Variants in ZNF536 observed in about 807,000 individuals in gnomAD.
ZNF536 encodes the protein zinc finger protein 536.
A neutral mutation model predicts 84.5 loss-of-function variants in ZNF536; 13 were observed. The ratio of observed to expected loss-of-function variants is 0.15; its 90% confidence interval spans 0.10 to 0.24. ZNF536 has a LOEUF of 0.24. Ranked by LOEUF, ZNF536 falls within the 10% of genes least tolerant of loss-of-function variation. The pLI is 1.00. For synonymous variants in ZNF536, 811 were observed against 742.5 expected (o/e 1.09, Z -1.50); for missense variants, 1,536 against 1,747.5 (o/e 0.88, Z 2.16).
upstream of ZNF536, among the ~76,000 whole-genome samples, chr19:30,371,680 T>C (rs1203890909): frequency 6.6e-6 from 1 of 151,056 alleles, no homozygotes; most frequent in Admixed American, 6.6e-5. Context: ...TGGATATCTG[T>C]AGGGGAAAGG....
At chr19:30,450,822 C>G (rs925436316) in intron 2 of ZNF536, among the ~76,000 whole-genome samples, 12 of 152,124 alleles carry the variant, frequency 7.9e-5, no homozygotes, top group Non-Finnish European at 1.6e-4. Context: ...CCCCCTGTCC[C>G]CTGCTTCCTT....
chr19:30,462,873 G>A (rs1005920828), intron 2 of ZNF536, among the ~76,000 whole-genome samples: 14 of 128,590 alleles, frequency 1.1e-4, no homozygotes, highest in African/African-American at 4.3e-4. Context: ...GTTGGGATGG[G>A]TGTATCCATA....
intron 1 of ZNF536, among the ~76,000 whole-genome samples, chr19:30,233,262 A>T (rs1019004948): frequency 6.6e-6 from 1 of 152,018 alleles, no homozygotes; most frequent in African/African-American, 2.4e-5. Context: ...GTGACATGCA[A>T]ACTAAGCAGT....
rs570331482 is a variant in ZNF536 at position 30,257,798 on chromosome 19, A to T, written c.-189-26274A>T. On this transcript the variant is annotated intron_variant, in intron 1 of 5. Transcript: ENST00000585628. ...GCTGATGCTGCTCCTGGGCGGACCC[A>T]TTGCAACTGGAGGAGCTGCTCACTC... 1.1e-4 allele frequency among the ~76,000 whole-genome samples: 17 copies of T among 152,314 alleles called. 1 individual carries two copies. In the South Asian group the frequency reaches 3.5e-3, roughly 32 times the overall value.
intron 2 of ZNF536, among the ~76,000 whole-genome samples, chr19:30,494,298 CA>C (rs1321730913): frequency 6.6e-6 from 1 of 152,172 alleles, no homozygotes; most frequent in Non-Finnish European, 1.5e-5. Flanking sequence ...AGTGTCCCGA[CA>C]AGTGGACACT....
At chr19:30,611,711 G>A (rs1397157674) in intron 1 of ZNF536, among the ~76,000 whole-genome samples, 1 of 152,158 alleles carries the variant, frequency 6.6e-6, no homozygotes, top group Non-Finnish European at 1.5e-5. Context: ...GATCCACTGA[G>A]TGTCAAACAA....
At chr19:30,327,375 T>C (rs1281467065) in intron 2 of ZNF536, among the ~76,000 whole-genome samples, 1 of 152,188 alleles carries the variant, frequency 6.6e-6, no homozygotes, top group Non-Finnish European at 1.5e-5. Flanking sequence ...CCGGACTTCC[T>C]CTGAGAATCC....
intron 3 of ZNF536, among the ~76,000 whole-genome samples, chr19:30,364,970 T>G (rs1046692846): frequency 3.3e-5 from 5 of 152,238 alleles, no homozygotes; most frequent in African/African-American, 1.2e-4. Flanking sequence ...TGTTCAACTC[T>G]GCGCTTTACG....
chr19:30,620,824 A>C (rs940527898), intron 1 of ZNF536, among the ~76,000 whole-genome samples: 3 of 152,268 alleles, frequency 2.0e-5, no homozygotes, highest in Non-Finnish European at 2.9e-5. Flanking sequence ...GCAGAACTTT[A>C]ATTATTCTTT....
At chr19:30,490,412 G>T (rs1362942155) in intron 2 of ZNF536, among the ~76,000 whole-genome samples, 1 of 152,062 alleles carries the variant, frequency 6.6e-6, no homozygotes, top group Non-Finnish European at 1.5e-5. Flanking sequence ...TCCTTGTTTA[G>T]ATCTTCATTT....
chr19:30,568,561 G>A (rs982075918), intron 1 of ZNF536, among the ~76,000 whole-genome samples: 4 of 152,066 alleles, frequency 2.6e-5, no homozygotes, highest in African/African-American at 7.2e-5. Flanking sequence ...TTTTGAGAAG[G>A]TGATAAATAC....
At chr19:30,459,901 G>A (rs905687580) in intron 2 of ZNF536, among the ~76,000 whole-genome samples, 6 of 152,176 alleles carry the variant, frequency 3.9e-5, no homozygotes, top group Admixed American at 3.3e-4. Context: ...ACATGCCACA[G>A]TGAGTCTCAA....
intron 1 of ZNF536, among the ~76,000 whole-genome samples, chr19:30,439,075 T>A (rs1307255223): frequency 6.6e-6 from 1 of 152,094 alleles, no homozygotes; most frequent in East Asian, 1.9e-4. Context: ...GATGCCTTAG[T>A]TTCCCAGTGT....
At chr19:30,421,850 G>A (rs924543642) in intron 1 of ZNF536, among the ~76,000 whole-genome samples, 13 of 152,194 alleles carry the variant, frequency 8.5e-5, no homozygotes, top group Non-Finnish European at 1.6e-4. Flanking sequence ...GGCCAGGGCC[G>A]GCTGCAGGCA....
In ZNF536 at chr19:30,607,989, C is replaced by T. The variant is rs188263509; in HGVS notation, c.169+58475C>T. Reference sequence around the variant, plus strand: ...ATGTACAATAAATTATTTAACCTACCTGGTATTGATGCTTACCCATACAGG... The same window carrying T: ...ATGTACAATAAATTATTTAACCTACTTGGTATTGATGCTTACCCATACAGG... On this transcript the variant is annotated intron_variant, in intron 1 of 1. Coordinates refer to the ZNF536 transcript ENST00000592773. 1.1e-3 allele frequency among the ~76,000 whole-genome samples: 167 copies of T among 152,158 alleles called. 2 individuals carry two copies. The highest frequency in any genetic ancestry group is 5.6e-3 in the Admixed American group (86 of 15,280).
intron 2 of ZNF536, among the ~76,000 whole-genome samples, chr19:30,289,044 C>T (rs1290336761): frequency 6.6e-6 from 1 of 152,172 alleles, no homozygotes; most frequent in Non-Finnish European, 1.5e-5. Flanking sequence ...AAGCCAACTT[C>T]TCCATCCCAT....
In ZNF536 at chr19:30,271,556, T is replaced by C. The variant is rs141267522; in HGVS notation, c.-189-12516T>C. On this transcript the variant is annotated intron_variant, in intron 1 of 5. Coordinates refer to the ZNF536 transcript ENST00000585628. ...ATTTTGATCACACCCTCTGCCCAGA[T>C]AGCGAAATGAGCAAAACCCCACCAT... 2.4e-3 allele frequency among the ~76,000 whole-genome samples: 370 copies of C among 152,206 alleles called. 1 individual carries two copies. The highest frequency in any genetic ancestry group is 3.4e-3 in the Non-Finnish European group (230 of 68,020).
At chr19:30,290,090 T>G (rs909987898) in intron 2 of ZNF536, among the ~76,000 whole-genome samples, 1 of 152,204 alleles carries the variant, frequency 6.6e-6, no homozygotes, top group Non-Finnish European at 1.5e-5. Flanking sequence ...TGAATTTGAC[T>G]ACTCTAGGTA....
In ZNF536 at chr19:30,425,055, C is replaced by T. The variant is rs193067867; in HGVS notation, c.-2-18506C>T. ...AACAAAGATGGTGAGGACACAAAGGCATAAGAATGACACAATGGACTTTGG... is the reference window on the plus strand; with the variant it reads ...AACAAAGATGGTGAGGACACAAAGGTATAAGAATGACACAATGGACTTTGG... On this transcript the variant is annotated intron_variant, in intron 1 of 4. Coordinates refer to ENST00000355537, the MANE Select transcript of ZNF536 (RefSeq NM_014717.3). 5.3e-5 allele frequency among the ~76,000 whole-genome samples: 8 copies of T among 151,966 alleles called. No individual in the cohort carries two copies. The East Asian group carries it at 1.6e-3, about 29-fold the overall frequency.
Sources: gnomAD v4.1 joint callset for allele counts (sites outside exome capture counted in the v4.1 genomes callset) on GRCh38, gnomAD v4.1.1 for gene constraint, MANE v1.5 for transcripts, NCBI Gene and HGNC (gene_info 2026-07-23, HGNC 2026-07-21) for gene names.